Variants in DNAH10 observed in about 807,000 individuals in gnomAD.
The protein encoded by DNAH10 is dynein axonemal heavy chain 10.
Under a neutral mutation model 506.6 loss-of-function variants are expected in DNAH10, and 348 were observed. The ratio of observed to expected loss-of-function variants is 0.69; its 90% confidence interval spans 0.63 to 0.75. The LOEUF (loss-of-function observed/expected upper bound fraction) is 0.75. Ranked by LOEUF, DNAH10 falls within the 30% of genes least tolerant of loss-of-function variation. The probability of loss-of-function intolerance (pLI) is 0.00; values close to 1 mark genes in which losing one functional copy is unlikely to be tolerated. For synonymous variants in DNAH10, 2,059 were observed against 2,198.6 expected (o/e 0.94, Z 1.78); for missense variants, 5,179 against 5,787.1 (o/e 0.89, Z 3.41).
At position 123,859,259 on chromosome 12, in the gene DNAH10, C is replaced by T; in HGVS notation, c.6740C>T (p.Ala2247Val). Residue 2247 changes from alanine to valine, a missense_variant, in exon 38 of 79, where the codon GCC becomes GTC. This residue lies in a region of DNAH10 where 4,844 missense variants were observed against 5,430.5 expected (regional missense o/e 0.89). Coordinates refer to ENST00000673944, the MANE Select transcript of DNAH10 (RefSeq NM_001372106.1). Reference sequence around the variant, plus strand: ...GTCGTCATTAACACTCTGTGTCAGGCCCAGACCAAGTGAGTATGACCTCCG... The same window carrying T: ...GTCGTCATTAACACTCTGTGTCAGGTCCAGACCAAGTGAGTATGACCTCCG... ...KSVVINTLCQAQTKLGLTTKL... is the reference protein window; with the variant it reads ...KSVVINTLCQVQTKLGLTTKL... The T allele has an allele frequency of 1.9e-6, 3 of 1,603,122 alleles. No individual in the cohort carries two copies. The highest frequency in any genetic ancestry group is 2.6e-6 in the Non-Finnish European group (3 of 1,176,024).
At chr12:123,905,414 GTAGGCATTTA>G (rs1714435444) in intron 57 of DNAH10, among the ~76,000 whole-genome samples, 1 of 152,222 alleles carries the variant, frequency 6.6e-6, no homozygotes, top group Non-Finnish European at 1.5e-5. Flanking sequence ...GTCCCAGGGT[GTAGGCATTTA>G]TAGTGTTCAT....
chr12:123,784,066 C>T lies in DNAH10; in HGVS notation c.1119C>T (p.Ser373=), dbSNP rs754780592. Residue 373 remains serine (S), a synonymous_variant, in exon 8 of 79, where the codon TCC becomes TCT. Coordinates refer to ENST00000673944, the MANE Select transcript of DNAH10 (RefSeq NM_001372106.1). ...AAGTCTTGGATGTGATCAAGGAATC[C>T]GACTCCATGCTTGTGGCTAATCTGC... The part of the protein sequence containing the change: ...VRKVLDVIKE[S]DSMLVANLQP... 37 of 1,613,994 alleles carry T rather than the reference C, an allele frequency of 2.3e-5. 1 individual carries two copies. The highest frequency in any genetic ancestry group is 2.0e-4 in the South Asian group (18 of 91,080).
At chr12:123,898,932 C>T in intron 56 of DNAH10, 118 bp downstream of exon 56, 2 of 1,395,302 alleles carry the variant, frequency 1.4e-6, no homozygotes, top group Non-Finnish European at 1.9e-6. Flanking sequence ...CAGGCCGTCC[C>T]TGTGAAACTG....
intron 47 of DNAH10, among the ~76,000 whole-genome samples, chr12:123,876,360 C>T (rs1219089242): frequency 6.6e-6 from 1 of 152,154 alleles, no homozygotes; most frequent in Non-Finnish European, 1.5e-5. Context: ...AGGCCCGGTG[C>T]AGTGGCTCAC....
rs1222881042 is a variant in DNAH10, at chr12:123,913,486, CTCT to C, written c.10352+173_10352+175del. ...TGGCAGCTAATGGCTATTTTATAGG[CTCT>C]TGTTTGTATTAGGCACTGAGTGTTA... On this transcript the variant is annotated intron_variant, in intron 60 of 78. Transcript: ENST00000673944. The surrounding 1 kb of genome is among the most constrained non-coding windows in gnomAD (Gnocchi z 5.1). 6.6e-6 allele frequency among the ~76,000 whole-genome samples: 1 copy of C among 152,176 alleles called. No homozygotes were observed. The highest frequency in any genetic ancestry group is 1.5e-5 in the Non-Finnish European group (1 of 68,040).
In DNAH10 at chr12:123,787,714, C is replaced by G. The variant is rs1398128410; in HGVS notation, c.1422-90C>G. ...ACCAGGGGGGGCGCCCGGGTCAGAG[C>G]TTCACGGGACACTGGCTCCCCAGCC... is the stretch of plus-strand genomic sequence containing the variant. On this transcript the variant is annotated intron_variant, in intron 9 of 78. Transcript: ENST00000673944. The surrounding 1 kb of genome is among the most constrained non-coding windows in gnomAD (Gnocchi z 4.6). The G allele has an allele frequency of 8.7e-6, 13 of 1,496,402 alleles. No individual in the cohort carries two copies. Among genetic ancestry groups the G allele is most frequent in the Non-Finnish European group, 1.2e-5 (13 of 1,099,260 alleles). The allele number at this position is 1,496,402 out of a possible 1,614,324, so 92.7% of individuals were successfully genotyped here. A position where few individuals can be genotyped will look rare whatever the true frequency, so the allele number is the denominator to read the frequency against.
chr12:123,801,765 C>T (rs76014889), intron 16 of DNAH10, among the ~76,000 whole-genome samples: 6,030 of 152,162 alleles, frequency 0.04, 409 homozygotes, highest in African/African-American at 0.14. Context: ...AGGGAGCCTT[C>T]GTACCCTTTA....
chr12:123,785,864 C>T lies in DNAH10; in HGVS notation c.1349C>T (p.Pro450Leu), dbSNP rs763680952. 18 of 1,614,030 alleles carry T rather than the reference C, an allele frequency of 1.1e-5. No individual in the cohort carries two copies. The highest frequency in any genetic ancestry group is 2.2e-5 in the East Asian group (1 of 44,902). ...TACAACAAAGACGAGAGGATGATTC[C>T]GCTCATGGAGCGCATCGCCTGGGAA... ...RHYNKDERMIPLMERIAWEIA... is the reference protein window; with the variant it reads ...RHYNKDERMILLMERIAWEIA... Residue 450 changes from proline to leucine, a missense_variant, in exon 9 of 79, where the codon CCG (proline) becomes CTG (leucine). Around this residue, in one of 3 missense-constraint regions of DNAH10, gnomAD observed 4,844 missense variants for 5,430.5 expected, o/e 0.89. Coordinates refer to ENST00000673944, the MANE Select transcript of DNAH10 (RefSeq NM_001372106.1). The surrounding 1 kb of genome is among the most constrained non-coding windows in gnomAD (Gnocchi z 4.1).
At chr12:123,792,121 C>A (rs1461201235) in intron 11 of DNAH10, among the ~76,000 whole-genome samples, 1 of 152,182 alleles carries the variant, frequency 6.6e-6, no homozygotes, top group Non-Finnish European at 1.5e-5. Flanking sequence ...TTCTTCATAA[C>A]TTTTAGTTAA....
Position 123,847,962 on chromosome 12 carries a change from C to T in DNAH10, c.5816C>T (p.Ala1939Val), listed in dbSNP as rs755398032. Residue 1939 changes from alanine (A) to valine (V), a missense_variant and splice_region_variant, in exon 33 of 79, where the codon GCG (alanine) becomes GTG (valine). Physicochemically the swap from Ala to Val is moderately conservative, Grantham distance 64. Transcript: ENST00000673944. ...TDRIYLTLTQ[A>V]LSMYLGGAPA... ...TGTTTTGCATTTGGCTTATAACAGGCGCTGTCCATGTATCTAGGTGGGGCC... is the reference window on the plus strand; with the variant it reads ...TGTTTTGCATTTGGCTTATAACAGGTGCTGTCCATGTATCTAGGTGGGGCC... 8.1e-6 allele frequency: 13 copies of T among 1,608,670 alleles called. No homozygotes were observed. Among genetic ancestry groups the T allele is most frequent in the African/African-American group, 4.0e-5 (3 of 74,640 alleles).
intron 25 of DNAH10, among the ~76,000 whole-genome samples, chr12:123,828,550 G>A (rs1417397928): frequency 3.9e-5 from 6 of 152,120 alleles, no homozygotes; most frequent in Admixed American, 3.3e-4. Flanking sequence ...CATACTCGCC[G>A]AGTCTGCTTT....
rs139665936 is a variant in DNAH10, at chr12:123,888,214, G to GA, written c.8995+910dup. Among the ~76,000 whole-genome samples the GA allele has an allele frequency of 4.3e-3, 640 of 148,866 alleles. 4 individuals are homozygous for GA. Among genetic ancestry groups the GA allele is most frequent in the African/African-American group, 0.015 (594 of 40,556 alleles). On this transcript the variant is annotated intron_variant, in intron 52 of 78. Transcript: ENST00000673944. ...CAGAGTGAGACCCTGTCTCCAAAAA[G>GA]AAAAAAAAACAAAAGCAACTGAAAA...
At chr12:123,861,599 C>T (rs564599138) in intron 39 of DNAH10, among the ~76,000 whole-genome samples, 1 of 152,344 alleles carries the variant, frequency 6.6e-6, no homozygotes, top group East Asian at 1.9e-4. Context: ...TCCTGAGCCA[C>T]GGCTTTCCAT....
intron 41 of DNAH10, among the ~76,000 whole-genome samples, chr12:123,866,457 A>T (rs944533267): frequency 4.6e-5 from 7 of 151,660 alleles, no homozygotes; most frequent in African/African-American, 1.7e-4. Flanking sequence ...GTTAGCCAGG[A>T]TGGTCTCGAT....
intron 24 of DNAH10, among the ~76,000 whole-genome samples, chr12:123,824,084 C>T (rs1594118013): frequency 6.6e-6 from 1 of 152,236 alleles, no homozygotes; most frequent in African/African-American, 2.4e-5. Context: ...GGGCAGGGGA[C>T]TGTCATCATA....
Position 123,833,127 on chromosome 12 carries a change from T to C in DNAH10, c.4559T>C (p.Ile1520Thr), listed in dbSNP as rs768255398. 6.2e-7 allele frequency: 1 copy of C among 1,610,762 alleles called. No homozygotes were observed. The highest frequency in any genetic ancestry group is 2.2e-5 in the East Asian group (1 of 44,840). ...ATTCCTGAACAGGCTGTGAAGGAAA[T>C]CCTAGACACGTGGGAAAATATGAAA... The part of the protein sequence containing the change: ...EVAIEKAVKE[I>T]LDTWENMKFT... The change falls in exon 27 of 79, where the codon ATC (isoleucine) becomes ACC (threonine). Residue 1520 changes from isoleucine to threonine, a missense_variant. Around this residue, in one of 3 missense-constraint regions of DNAH10, gnomAD observed 4,844 missense variants for 5,430.5 expected, o/e 0.89. Coordinates refer to ENST00000673944, the MANE Select transcript of DNAH10 (RefSeq NM_001372106.1).
At chr12:123,820,388 C>T (rs1959265558) in intron 23 of DNAH10, among the ~76,000 whole-genome samples, 192 bp from the exon 24 acceptor site, 1 of 152,152 alleles carries the variant, frequency 6.6e-6, no homozygotes, top group Non-Finnish European at 1.5e-5. Flanking sequence ...GCACAATTTT[C>T]TAACTGGAGG....
At chr12:123,809,971 G>T (rs754485529) in intron 19 of DNAH10, among the ~76,000 whole-genome samples, 1 of 151,836 alleles carries the variant, frequency 6.6e-6, no homozygotes, top group Non-Finnish European at 1.5e-5. Context: ...TCTCTCTCCC[G>T]TCACCCCCCT....
At chr12:123,881,395 T>C (rs2137065378) in intron 50 of DNAH10, among the ~76,000 whole-genome samples, 1 of 152,344 alleles carries the variant, frequency 6.6e-6, no homozygotes, top group East Asian at 1.9e-4. Flanking sequence ...ATTTCTCTGA[T>C]GGCCAGTGAT....
Sources: allele counts gnomAD v4.1 joint callset (sites outside exome capture counted in the v4.1 genomes callset), GRCh38; gene constraint gnomAD v4.1.1; regional missense constraint gnomAD v4.1.1; non-coding constraint Gnocchi (gnomAD v3.1); transcripts MANE v1.5; gene names NCBI Gene and HGNC (gene_info 2026-07-23, HGNC 2026-07-21).